MXRA5: variants seen among roughly 807,000 people sequenced by gnomAD.
MXRA5 encodes matrix remodeling associated 5.
A neutral mutation model predicts 112.5 loss-of-function variants in MXRA5; 41 were observed. The observed-to-expected ratio is 0.36, with a 90% CI of 0.28 to 0.47. The LOEUF is 0.47. Among genes scored for constraint, MXRA5 ranks in the 20% least tolerant of loss-of-function variants. MXRA5 has a pLI of 0.99. For missense variants in MXRA5, 2,150 were observed against 2,251.0 expected (o/e 0.96, Z 0.91); for synonymous variants, 862 against 900.8 (o/e 0.96, Z 0.77).
In MXRA5 at chrX:3,323,117, A is replaced by G; in HGVS notation, c.2568T>C (p.Gly856=). 1 of 1,211,401 alleles carries G rather than the reference A, an allele frequency of 8.3e-7. No homozygotes were observed. The highest frequency in any genetic ancestry group is 1.1e-6 in the Non-Finnish European group (1 of 895,413). The change falls in exon 5 of 7, where the codon GGT becomes GGC. Residue 856 remains glycine (G), a synonymous_variant. Transcript: ENST00000217939. The part of the protein sequence containing the change: ...PLLGEEEHVL[G]TISSASMGLE... ...GCCCCATGCTGGCTGAGGAAATGGT[A>G]CCCAAAACGTGCTCTTCTTCACCAA...
intron 6 of MXRA5, among the ~76,000 whole-genome samples, chrX:3,314,563 G>T: frequency 8.9e-6 from 1 of 112,247 alleles, no homozygotes; most frequent in Middle Eastern, 4.6e-3. Context: ...AGATAAGAAT[G>T]AATGGATGGA....
At chrX:3,334,819 C>T (rs1921746575) in intron 2 of MXRA5, among the ~76,000 whole-genome samples, 1 of 111,712 alleles carries the variant, frequency 9.0e-6, no homozygotes, top group Non-Finnish European at 1.9e-5. Flanking sequence ...AGAAATCTAC[C>T]TGATACATTT....
chrX:3,320,850 G>T lies in MXRA5; in HGVS notation c.4835C>A (p.Pro1612His), dbSNP rs770759002. 9 of 1,211,714 alleles carry T rather than the reference G, an allele frequency of 7.4e-6. No individual in the cohort carries two copies. The highest frequency in any genetic ancestry group is 5.6e-6 in the Non-Finnish European group (5 of 895,524). Residue 1612 changes from proline (P) to histidine (H), a missense_variant, in exon 5 of 7, where the codon CCC becomes CAC. Pro to His is a moderately conservative substitution (Grantham distance 77). Coordinates refer to ENST00000217939, the MANE Select transcript of MXRA5 (RefSeq NM_015419.4). ...SHQLTRVPAK[P>H]ILPTATVRLP... ...CCTCACTGTTGCTGTTGGTAGGATG[G>T]GTTTGGCAGGGACTCTGGTTAGTTG... is the stretch of plus-strand genomic sequence containing the variant.
chrX:3,312,812 C>T (rs1319552661), intron 6 of MXRA5, among the ~76,000 whole-genome samples: 1 of 111,455 alleles, frequency 9.0e-6, no homozygotes, highest in Non-Finnish European at 1.9e-5. Context: ...TTAAGTGATC[C>T]TTCTGCCTTG....
intron 4 of MXRA5, among the ~76,000 whole-genome samples, chrX:3,326,939 A>G (rs1427947739): frequency 8.9e-6 from 1 of 111,772 alleles, no homozygotes; most frequent in African/African-American, 3.3e-5. Flanking sequence ...CCTCTTTGAC[A>G]TGTCTATTTA....
At chrX:3,344,653 T>C (rs1220616896) in intron 1 of MXRA5, among the ~76,000 whole-genome samples, 1 of 112,045 alleles carries the variant, frequency 8.9e-6, no homozygotes, top group Non-Finnish European at 1.9e-5. Flanking sequence ...GCGGTGATCA[T>C]TTTCTTCTTG....
intron 2 of MXRA5, among the ~76,000 whole-genome samples, chrX:3,338,591 T>C (rs770834180): frequency 3.6e-5 from 4 of 110,684 alleles, no homozygotes; most frequent in African/African-American, 9.9e-5. Flanking sequence ...AGATAGATTA[T>C]TGATAAATAG....
intron 6 of MXRA5, among the ~76,000 whole-genome samples, chrX:3,314,706 G>A (rs1360655282): frequency 9.0e-6 from 1 of 110,637 alleles, no homozygotes; most frequent in Non-Finnish European, 1.9e-5. Context: ...CTCTGTGGTG[G>A]GTCTGTCCTG....
intron 2 of MXRA5, among the ~76,000 whole-genome samples, chrX:3,341,124 C>CTATACATAATATATATTATGT (rs1921927208): frequency 1.9e-5 from 1 of 51,479 alleles, no homozygotes; most frequent in African/African-American, 7.6e-5. Context: ...ATATATTATA[C>CTATACATAATATATATTATGT]ATAATATATT....
rs192359166 is a variant in MXRA5, at chrX:3,321,155, C to T, written c.4530G>A (p.Lys1510=). Residue 1510 remains lysine (K), a synonymous_variant, in exon 5 of 7, where the codon AAG becomes AAA. Transcript: ENST00000217939. ...ATATTCTTGGACTGGGAAGTGCTGG[C>T]TTAGTGGTGGTGGTTTGTCCCAAAG... is the stretch of plus-strand genomic sequence containing the variant. ...LMSLGQTTTT[K]PALPSPRISQ... 3 of 1,210,102 alleles carry T rather than the reference C, an allele frequency of 2.5e-6. No individual in the cohort carries two copies. The highest frequency in any genetic ancestry group is 3.0e-5 in the East Asian group (1 of 33,766).
At chrX:3,315,518 G>A (rs1199741743) in intron 6 of MXRA5, among the ~76,000 whole-genome samples, 1 of 108,604 alleles carries the variant, frequency 9.2e-6, no homozygotes, top group African/African-American at 3.4e-5. Context: ...GTGCACTGCA[G>A]GGTGTTGAGC....
intron 4 of MXRA5, among the ~76,000 whole-genome samples, chrX:3,325,944 T>TAATTTATAATATATAATTTATAATTATA (rs1434483975): frequency 4.1e-4 from 38 of 92,447 alleles, no homozygotes; most frequent in African/African-American, 8.0e-4. Context: ...TTTATAATTG[T>TAATTTATAATATATAATTTATAATTATA]AATTTATAAT....
rs1921364780 is a variant in MXRA5, at chrX:3,323,308, T to C, written c.2377A>G (p.Lys793Glu). 8.3e-7 allele frequency: 1 copy of C among 1,211,833 alleles called. No homozygotes were observed. The highest frequency in any genetic ancestry group is 1.1e-6 in the Non-Finnish European group (1 of 895,558). ...ACTTCTGTGCCCTTAGGGAGATTTTTCCCACGGACTTTGGCTAAAATATCA... is the reference window on the plus strand; with the variant it reads ...ACTTCTGTGCCCTTAGGGAGATTTTCCCCACGGACTTTGGCTAAAATATCA... Reference protein sequence around the residue: ...WADILAKVRGKNLPKGTEVPP... With the variant: ...WADILAKVRGENLPKGTEVPP... The change falls in exon 5 of 7, where the codon AAA (lysine) becomes GAA (glutamate). Residue 793 changes from lysine (K) to glutamate (E), a missense_variant. This residue lies in a region of MXRA5 where 1,485 missense variants were observed against 1,471.6 expected (regional missense o/e 1.01). Coordinates refer to ENST00000217939, the MANE Select transcript of MXRA5 (RefSeq NM_015419.4).
At chrX:3,335,157 TA>T (rs1316802388) in intron 2 of MXRA5, among the ~76,000 whole-genome samples, 1 of 111,852 alleles carries the variant, frequency 8.9e-6, no homozygotes, top group Non-Finnish European at 1.9e-5. Context: ...ATGACCATAC[TA>T]AGTTGCCATT....
At chrX:3,345,621 G>T (rs1922089217) in intron 1 of MXRA5, among the ~76,000 whole-genome samples, 2 of 112,929 alleles carry the variant, frequency 1.8e-5, no homozygotes, top group South Asian at 3.6e-4. Flanking sequence ...ACTCGGGGTC[G>T]GGTCTCTCCG....
Position 3,321,808 on chromosome X carries a change from A to C in MXRA5, c.3877T>G (p.Leu1293Val). ...SLKTEGPYDS[L>V]DYMTTTRKIY... is the part of the protein sequence containing the mutation. ...TTTCTGGTGGTTGTCATGTAATCTAAGGAATCATAAGGGCCCTCAGTTTTC... is the reference window on the plus strand; with the variant it reads ...TTTCTGGTGGTTGTCATGTAATCTACGGAATCATAAGGGCCCTCAGTTTTC... The change falls in exon 5 of 7, where the codon TTA becomes GTA. Residue 1293 changes from leucine (L) to valine (V), a missense_variant. This residue lies in a region of MXRA5 where 1,485 missense variants were observed against 1,471.6 expected (regional missense o/e 1.01). Transcript: ENST00000217939. 1 of 1,210,073 alleles carries C rather than the reference A, an allele frequency of 8.3e-7. No individual in the cohort carries two copies. The highest frequency in any genetic ancestry group is 1.1e-6 in the Non-Finnish European group (1 of 893,989).
At chrX:3,325,548 A>C (rs768547018) in intron 4 of MXRA5, among the ~76,000 whole-genome samples, 1 of 105,063 alleles carries the variant, frequency 9.5e-6, no homozygotes, top group Admixed American at 1.1e-4. Context: ...ATATATATTT[A>C]TATAATATAT....
rs946593179 is a variant in MXRA5, at chrX:3,308,755, G to A, written c.*961C>T. On this transcript the variant is annotated 3_prime_UTR_variant, in exon 7 of 7. Transcript: ENST00000217939. ...GCAGAGAAGTTTCTGGGCTTTTCGG[G>A]GAAGACTCTAGATTCAATTCTGTAA... 7 of 111,038 alleles carry A rather than the reference G, an allele frequency of 6.3e-5. No homozygotes were observed. Among genetic ancestry groups the A allele is most frequent in the African/African-American group, 2.3e-4 (7 of 30,514 alleles). 9.2% of individuals were successfully genotyped at this position (111,038 alleles called of 1,213,427 possible). A position where few individuals can be genotyped will look rare whatever the true frequency, so the allele number is the denominator to read the frequency against.
rs776065812 is a variant in MXRA5 at position 3,317,374 on chromosome X, G to A, written c.6307C>T (p.Pro2103Ser). 8 of 1,208,899 alleles carry A rather than the reference G, an allele frequency of 6.6e-6. No individual in the cohort carries two copies. Among genetic ancestry groups the A allele is most frequent in the East Asian group, 3.0e-5 (1 of 33,694 alleles). Residue 2103 changes from proline to serine, a missense_variant, in exon 6 of 7, where the codon CCC becomes TCC. Coordinates refer to ENST00000217939, the MANE Select transcript of MXRA5 (RefSeq NM_015419.4). ...QFLHGNLFVF[P>S]NGTLYIRNLA... Reference sequence around the variant, plus strand: ...TTGCGGATGTAGAGCGTCCCGTTGGGGAAAACAAACAAGTTCCCGTGGAGG... The same window carrying A: ...TTGCGGATGTAGAGCGTCCCGTTGGAGAAAACAAACAAGTTCCCGTGGAGG...
Sources: allele counts gnomAD v4.1 joint callset (sites outside exome capture counted in the v4.1 genomes callset), GRCh38; gene constraint gnomAD v4.1.1; regional missense constraint gnomAD v4.1.1; transcripts MANE v1.5; gene names NCBI Gene and HGNC (gene_info 2026-07-23, HGNC 2026-07-21).